Variants in PTPRE observed in about 807,000 individuals in gnomAD.
PTPRE encodes protein tyrosine phosphatase receptor type E.
A neutral mutation model predicts 102.0 loss-of-function variants in PTPRE; 51 were observed. The ratio of observed to expected loss-of-function variants is 0.50; its 90% CI spans 0.40 to 0.63. PTPRE has a LOEUF of 0.63. Among genes scored for constraint, PTPRE ranks in the 30% least tolerant of loss-of-function variants. The pLI is 0.00. For synonymous variants in PTPRE, 345 were observed against 348.2 expected (o/e 0.99, Z 0.10); for missense variants, 752 against 915.1 (o/e 0.82, Z 2.30).
At chr10:128,038,163 G>A (rs1233828755) in intron 2 of PTPRE, among the ~76,000 whole-genome samples, 2 of 152,054 alleles carry the variant, frequency 1.3e-5, no homozygotes, top group African/African-American at 4.8e-5. Context: ...TGCTCACCAG[G>A]TCACTTATGC....
At chr10:128,036,668 C>G (rs1393091365) in intron 2 of PTPRE, among the ~76,000 whole-genome samples, 1 of 152,178 alleles carries the variant, frequency 6.6e-6, no homozygotes, top group Non-Finnish European at 1.5e-5. Context: ...CACTTATCAC[C>G]CACATCCCAC....
chr10:127,974,115 T>G (rs1477743666), intron 1 of PTPRE, among the ~76,000 whole-genome samples: 1 of 152,232 alleles, frequency 6.6e-6, no homozygotes, highest in Admixed American at 6.5e-5. Flanking sequence ...TGCAGACTTC[T>G]GCAGCCCCCT....
intron 2 of PTPRE, among the ~76,000 whole-genome samples, chr10:128,040,514 T>C (rs1847593581): frequency 6.6e-6 from 1 of 151,782 alleles, no homozygotes; most frequent in Non-Finnish European, 1.5e-5. Flanking sequence ...TGGTAGAGGG[T>C]CCAGGATGCC....
Position 127,982,304 on chromosome 10 carries a change from C to G in PTPRE, c.-8+8C>G. The G allele has an allele frequency of 3.2e-6, 4 of 1,244,792 alleles. No homozygotes were observed. Among genetic ancestry groups the G allele is most frequent in the Non-Finnish European group, 3.1e-6 (3 of 958,140 alleles). The allele number at this position is 1,244,792 out of a possible 1,614,324, so 77.1% of individuals were successfully genotyped here. ...AGCCTTCACTTTCCCTCGGTGAGTA[C>G]AAAACTTTTTAAAAATTATTTTTGA... On this transcript the variant is annotated splice_region_variant and intron_variant, in intron 2 of 20. Coordinates refer to ENST00000254667, the MANE Select transcript of PTPRE (RefSeq NM_006504.6).
rs551652718 is a variant in PTPRE, at chr10:128,023,225, G to A, written c.-7-17650G>A. On this transcript the variant is annotated intron_variant, in intron 2 of 20. Coordinates refer to ENST00000254667, the MANE Select transcript of PTPRE (RefSeq NM_006504.6). The stretch of plus-strand genomic sequence containing the variant: ...GCCTGATTTATAAAATAAACTTTAT[G>A]TAGGTATACATGTATAGGAAAAAGC... Among the ~76,000 whole-genome samples, 7 of 151,896 alleles carry A rather than the reference G, an allele frequency of 4.6e-5. No individual in the cohort carries two copies. The South Asian group carries it at 1.0e-3, about 23-fold the overall frequency.
chr10:127,988,118 GCGGTGCATC>G (rs1340792070), intron 2 of PTPRE, among the ~76,000 whole-genome samples: 1 of 152,182 alleles, frequency 6.6e-6, no homozygotes, highest in Non-Finnish European at 1.5e-5. Flanking sequence ...CTCAGACCCG[GCGGTGCATC>G]AGGATGAGGT....
intron 1 of PTPRE, among the ~76,000 whole-genome samples, chr10:127,960,342 A>G (rs1352445491): frequency 1.3e-5 from 2 of 152,252 alleles, no homozygotes; most frequent in African/African-American, 4.8e-5. Flanking sequence ...AAGAAAATGC[A>G]TAGCAGCAGA....
intron 1 of PTPRE, among the ~76,000 whole-genome samples, chr10:127,951,503 G>T (rs571430518): frequency 7.9e-5 from 12 of 152,292 alleles, no homozygotes; most frequent in African/African-American, 2.9e-4. Context: ...TTAGTGTGGG[G>T]CTTATGGATG....
intron 20 of PTPRE, among the ~76,000 whole-genome samples, chr10:128,080,586 T>C (rs1851618162): frequency 6.6e-6 from 1 of 152,224 alleles, no homozygotes; most frequent in Admixed American, 6.5e-5. Context: ...CAGCTCTCAT[T>C]AATCTGCCTG....
chr10:128,040,072 C>T (rs762086139), intron 2 of PTPRE, among the ~76,000 whole-genome samples: 5 of 152,156 alleles, frequency 3.3e-5, no homozygotes, highest in Non-Finnish European at 7.4e-5. Context: ...ACCCCCTACC[C>T]CCAATAAATA....
rs1385897784 is a variant in PTPRE, at chr10:128,070,012, C to T, written c.1143+185C>T. On this transcript the variant is annotated intron_variant, in intron 13 of 20. Coordinates refer to ENST00000254667, the MANE Select transcript of PTPRE (RefSeq NM_006504.6). The surrounding 1 kb of genome is among the most constrained non-coding windows in gnomAD (Gnocchi z 4.8). ...ACCTCAGGGACTCCCTCGTCCTCATCTTTCCCTCGTATCCTCATGTGAGAT... is the reference window on the plus strand; with the variant it reads ...ACCTCAGGGACTCCCTCGTCCTCATTTTTCCCTCGTATCCTCATGTGAGAT... 1.2e-6 allele frequency: 1 copy of T among 853,778 alleles called. No individual in the cohort carries two copies. Among genetic ancestry groups the T allele is most frequent in the Non-Finnish European group, 1.8e-6 (1 of 555,792 alleles). 52.9% of individuals were successfully genotyped at this position (853,778 alleles called of 1,614,324 possible). A position where few individuals can be genotyped will look rare whatever the true frequency, so the allele number is the denominator to read the frequency against.
At chr10:127,970,014 G>C (rs115460008) in intron 1 of PTPRE, among the ~76,000 whole-genome samples, 5,217 of 152,282 alleles carry the variant, frequency 0.034, 140 homozygotes, top group African/African-American at 0.073. Flanking sequence ...GGATTCTTTT[G>C]TGACCTCGAG....
Position 128,066,069 on chromosome 10 carries a change from G to A in PTPRE, c.724-6G>A, listed in dbSNP as rs202094326. The A allele has an allele frequency of 1.3e-5, 21 of 1,614,042 alleles. No individual in the cohort carries two copies. Among genetic ancestry groups the A allele is most frequent in the East Asian group, 4.5e-5 (2 of 44,900 alleles). ...CTATTTGCTTCTATTAAATTGTTCC[G>A]TGCAGGAAAAGTGCCATCAGTACTG... On this transcript the variant is annotated splice_region_variant and splice_polypyrimidine_tract_variant and intron_variant, in intron 10 of 20. Coordinates refer to ENST00000254667, the MANE Select transcript of PTPRE (RefSeq NM_006504.6).
intron 1 of PTPRE, among the ~76,000 whole-genome samples, chr10:127,955,807 GA>G (rs1849360520): frequency 6.6e-6 from 1 of 152,186 alleles, no homozygotes; most frequent in Non-Finnish European, 1.5e-5. Context: ...GGAAGCCTCA[GA>G]AAACTTACAA....
chr10:127,946,473 G>C (rs1410566179), intron 1 of PTPRE, among the ~76,000 whole-genome samples: 1 of 126,920 alleles, frequency 7.9e-6, no homozygotes, highest in African/African-American at 2.7e-5. Flanking sequence ...ATTGAAAAGA[G>C]ATTGATTCTG....
rs1393886977 is a variant in PTPRE at position 128,072,288 on chromosome 10, G to A, written c.1464+74G>A. 4.8e-6 allele frequency: 6 copies of A among 1,255,668 alleles called. No homozygotes were observed. The African/African-American group carries it at 7.6e-5, about 16-fold the overall frequency. The allele number at this position is 1,255,668 out of a possible 1,614,324, so 77.8% of individuals were successfully genotyped here. Reference sequence around the variant, plus strand: ...ATGTGACCACAGACTTGATTAGCTTGTTTTCACAATGAGAAAGAATTGACA... The same window carrying A: ...ATGTGACCACAGACTTGATTAGCTTATTTTCACAATGAGAAAGAATTGACA... On this transcript the variant is annotated intron_variant, in intron 16 of 20. Transcript: ENST00000254667.
chr10:128,045,779 G>T (rs890871632), intron 3 of PTPRE, among the ~76,000 whole-genome samples: 1 of 152,196 alleles, frequency 6.6e-6, no homozygotes, highest in Non-Finnish European at 1.5e-5. Flanking sequence ...AAAGGCGGGG[G>T]ACTGTGGCAG....
chr10:127,920,620 C>G (rs1846527823), intron 1 of PTPRE, among the ~76,000 whole-genome samples: 1 of 152,182 alleles, frequency 6.6e-6, no homozygotes, highest in Non-Finnish European at 1.5e-5. Flanking sequence ...CCTGGTCTCT[C>G]CAGGACGTTT....
At chr10:128,018,792 C>A (rs545195228) in intron 2 of PTPRE, among the ~76,000 whole-genome samples, 3 of 152,318 alleles carry the variant, frequency 2.0e-5, no homozygotes, top group Admixed American at 2.0e-4. Context: ...GTGGGGAGTA[C>A]TGAGCCCTGG....
Sources: allele counts gnomAD v4.1 joint callset (sites outside exome capture counted in the v4.1 genomes callset), GRCh38; gene constraint gnomAD v4.1.1; non-coding constraint Gnocchi (gnomAD v3.1); transcripts MANE v1.5; gene names NCBI Gene and HGNC (gene_info 2026-07-23, HGNC 2026-07-21).